CPA3: variants seen among roughly 807,000 people sequenced by gnomAD.
CPA3 encodes carboxypeptidase A3.
Under a neutral mutation model 55.8 loss-of-function variants are expected in CPA3, and 52 were observed. The observed-to-expected ratio is 0.93, with a 90% CI of 0.75 to 1.17. CPA3 has a LOEUF of 1.17. Among genes scored for constraint, CPA3 ranks in the 50% most tolerant of loss-of-function variants. The probability of loss-of-function intolerance (pLI) is 0.00; values close to 1 mark genes in which losing one functional copy is unlikely to be tolerated. For synonymous variants in CPA3, 179 were observed against 171.2 expected (o/e 1.05, Z -0.36); for missense variants, 547 against 509.1 (o/e 1.07, Z -0.72).
intron 3 of CPA3, among the ~76,000 whole-genome samples, chr3:148,875,337 G>A (rs1039184938): frequency 6.6e-6 from 1 of 152,078 alleles, no homozygotes; most frequent in Admixed American, 6.6e-5. Flanking sequence ...TAAGAAAATT[G>A]TTCAGATAAG....
chr3:148,867,725 A>G lies in CPA3; in HGVS notation c.145-1190A>G, dbSNP rs911855156. On this transcript the variant is annotated intron_variant, in intron 2 of 10. Transcript: ENST00000296046. ...TGACCTCGAGGTAGAGGGGGACTCA[A>G]CCAAGAAACAGCCAGGCAGACCTGA... Among the ~76,000 whole-genome samples the G allele has an allele frequency of 2.0e-5, 3 of 152,216 alleles. No individual in the cohort carries two copies. In the South Asian group the frequency reaches 6.2e-4, roughly 31 times the overall value.
intron 2 of CPA3, among the ~76,000 whole-genome samples, chr3:148,867,290 C>T (rs1244545828): frequency 2.6e-5 from 4 of 152,196 alleles, no homozygotes; most frequent in African/African-American, 9.7e-5. Context: ...GGCAGTGTCT[C>T]CTGCAGGACG....
intron 3 of CPA3, among the ~76,000 whole-genome samples, chr3:148,877,958 T>A (rs1559967893): frequency 6.6e-6 from 1 of 152,172 alleles, no homozygotes; most frequent in African/African-American, 2.4e-5. Flanking sequence ...ACTATAGCAG[T>A]ACAATACGAG....
At chr3:148,867,044 C>A (rs1349586933) in intron 2 of CPA3, among the ~76,000 whole-genome samples, 2 of 152,208 alleles carry the variant, frequency 1.3e-5, no homozygotes, top group Admixed American at 1.3e-4. Context: ...GCATGAGCCA[C>A]CATGCCCAGT....
chr3:148,874,195 T>G (rs1482897199), intron 3 of CPA3, among the ~76,000 whole-genome samples: 1 of 152,186 alleles, frequency 6.6e-6, no homozygotes, highest in East Asian at 1.9e-4. Context: ...CTCACACTGT[T>G]TTTTTTGCTT....
At chr3:148,866,744 C>A (rs900609302) in intron 2 of CPA3, among the ~76,000 whole-genome samples, 1 of 152,092 alleles carries the variant, frequency 6.6e-6, no homozygotes. Context: ...ATATTAAGCA[C>A]CATAGAAGCG....
chr3:148,895,706 C>T (rs1389656684), intron 10 of CPA3, among the ~76,000 whole-genome samples: 6 of 152,160 alleles, frequency 3.9e-5, no homozygotes, highest in Admixed American at 3.3e-4. Context: ...TCTCTTTCAT[C>T]GCAGCTTTGA....
chr3:148,877,815 A>C (rs1289012747), intron 3 of CPA3, among the ~76,000 whole-genome samples: 1 of 152,162 alleles, frequency 6.6e-6, no homozygotes, highest in Admixed American at 6.5e-5. Context: ...TATCATTATT[A>C]TTCAAGTTTC....
At chr3:148,866,990 A>G (rs551716756) in intron 2 of CPA3, among the ~76,000 whole-genome samples, 2 of 152,248 alleles carry the variant, frequency 1.3e-5, no homozygotes, top group Admixed American at 1.3e-4. Context: ...TCCTGACCTC[A>G]AGTGATCCAC....
rs368943133 is a variant in CPA3, at chr3:148,871,321, G to A, written c.269+2282G>A. 2.0e-5 allele frequency among the ~76,000 whole-genome samples: 3 copies of A among 152,210 alleles called. No homozygotes were observed. The East Asian group carries it at 5.8e-4, about 29-fold the overall frequency. On this transcript the variant is annotated intron_variant, in intron 3 of 10. Transcript: ENST00000296046. ...AGCATTCAGCCCAAGGTAAAATAAAGTAGTGGTGTGGCCAAATTTTATATA... is the reference window on the plus strand; with the variant it reads ...AGCATTCAGCCCAAGGTAAAATAAAATAGTGGTGTGGCCAAATTTTATATA...
intron 10 of CPA3, among the ~76,000 whole-genome samples, chr3:148,895,669 A>G (rs557414163): frequency 6.8e-4 from 103 of 152,308 alleles, no homozygotes; most frequent in South Asian, 3.3e-3. Context: ...AAGAGCCAAC[A>G]CTATCTCTTC....
chr3:148,876,179 GA>G (rs973705102), intron 3 of CPA3, among the ~76,000 whole-genome samples: 14 of 144,334 alleles, frequency 9.7e-5, no homozygotes, highest in African/African-American at 1.8e-4. Flanking sequence ...AATGTAGTGA[GA>G]AAAAAAGTCA....
In CPA3 at chr3:148,896,723, T is replaced by C; in HGVS notation, c.*16T>C. 6.8e-7 allele frequency: 1 copy of C among 1,476,336 alleles called. No individual in the cohort carries two copies. The highest frequency in any genetic ancestry group is 9.2e-7 in the Non-Finnish European group (1 of 1,090,886). The allele number at this position is 1,476,336 out of a possible 1,614,324, so 91.5% of individuals were successfully genotyped here. On this transcript the variant is annotated 3_prime_UTR_variant, in exon 11 of 11. Transcript: ENST00000296046. Reference sequence around the variant, plus strand: ...TACTTCCTAAAGAACTGCCCTCTGTTTGGAATAAGCCAATTAATCCTTTTT... The same window carrying C: ...TACTTCCTAAAGAACTGCCCTCTGTCTGGAATAAGCCAATTAATCCTTTTT...
At chr3:148,868,652 TC>T (rs1440653063) in intron 2 of CPA3, among the ~76,000 whole-genome samples, 3 of 151,704 alleles carry the variant, frequency 2.0e-5, no homozygotes, top group Non-Finnish European at 4.4e-5. Flanking sequence ...GATCTGCCCA[TC>T]CTTTTTAACT....
chr3:148,876,586 A>G (rs1714211523), intron 3 of CPA3, among the ~76,000 whole-genome samples: 1 of 152,158 alleles, frequency 6.6e-6, no homozygotes, highest in South Asian at 2.1e-4. Context: ...CATGTTGCCC[A>G]GGCTGGTCTC....
rs1351187112 is a variant in CPA3, at chr3:148,882,483, C to T, written c.688-22C>T. ...AATGCAAACTGATCTTGTGTAAACA[C>T]TTACGTCATTCAATCTGGCAGAACC... On this transcript the variant is annotated intron_variant, in intron 7 of 10. Transcript: ENST00000296046. 1.0e-5 allele frequency: 16 copies of T among 1,601,704 alleles called. No individual in the cohort carries two copies. The South Asian group carries it at 1.4e-4, about 14-fold the overall frequency.
At chr3:148,885,708 C>G (rs1714512030) in intron 9 of CPA3, among the ~76,000 whole-genome samples, 1 of 152,098 alleles carries the variant, frequency 6.6e-6, no homozygotes, top group Non-Finnish European at 1.5e-5. Flanking sequence ...CCGTGCCCGG[C>G]CAAGTCTTTA....
intron 3 of CPA3, among the ~76,000 whole-genome samples, chr3:148,873,373 ACG>A (rs142730237): frequency 7.9e-6 from 1 of 126,170 alleles, no homozygotes; most frequent in African/African-American, 2.6e-5. Flanking sequence ...ACGCGCGCAC[ACG>A]CGCACACACA....
chr3:148,891,481 TACAC>T (rs3046005), intron 10 of CPA3, among the ~76,000 whole-genome samples: 53,366 of 146,330 alleles, frequency 0.36, 10,111 homozygotes, highest in Middle Eastern at 0.52. Context: ...CCCTGTCACA[TACAC>T]ACACACACAC....
Sources: allele counts gnomAD v4.1 joint callset (sites outside exome capture counted in the v4.1 genomes callset), GRCh38; gene constraint gnomAD v4.1.1; transcripts MANE v1.5; gene names NCBI Gene and HGNC (gene_info 2026-07-23, HGNC 2026-07-21).